Variants in TANC2 observed in about 807,000 individuals in gnomAD.
TANC2 encodes protein TANC2.
In TANC2, 26 loss-of-function variants were observed where a neutral mutation model predicts 210.5. The ratio of observed to expected loss-of-function variants is 0.12; its 90% CI spans 0.09 to 0.17. TANC2 has a LOEUF of 0.17. Among genes scored for constraint, TANC2 ranks in the 10% least tolerant of loss-of-function variants. The probability of loss-of-function intolerance (pLI) is 1.00; values close to 1 mark genes in which losing one functional copy is unlikely to be tolerated. For synonymous variants in TANC2, 931 were observed against 967.1 expected, an observed-to-expected ratio of 0.96 and a Z score of 0.69; for missense variants, 2,129 against 2,608.9, an observed-to-expected ratio of 0.82 and a Z score of 4.01.
chr17:63,025,138 A>G (rs778376656), intron 2 of TANC2, among the ~76,000 whole-genome samples: 4 of 152,210 alleles, frequency 2.6e-5, no homozygotes, highest in Non-Finnish European at 5.9e-5. Flanking sequence ...ACTAATTACC[A>G]TTAGTATTTC....
Position 63,274,270 on chromosome 17 carries a change from A to G in TANC2, c.1159+6397A>G, listed in dbSNP as rs1259780464. Among the ~76,000 whole-genome samples, 5 of 152,020 alleles carry G rather than the reference A, an allele frequency of 3.3e-5. No homozygotes were observed. In the East Asian group the frequency reaches 5.8e-4, roughly 18 times the overall value. ...TTGAACAACTGTTCTACAAAAATTG[A>G]TATTTCCAGAAACCCGGCCCAACGG... On this transcript the variant is annotated intron_variant, in intron 9 of 27. Transcript: ENST00000689528.
intron 4 of TANC2, among the ~76,000 whole-genome samples, chr17:63,110,721 T>TA (rs1438939441): frequency 1.3e-5 from 2 of 152,208 alleles, no homozygotes; most frequent in African/African-American, 4.8e-5. Flanking sequence ...AACTACCGCT[T>TA]AAGGGTTCTA....
chr17:63,422,774 G>C (rs1315835010), exon 28 of TANC2: 7 of 152,220 alleles, frequency 4.6e-5, no homozygotes, highest in East Asian at 1.9e-4. Flanking sequence ...TTTCCAGGGT[G>C]GGGGAGGGAA....
chr17:63,209,308 C>T (rs1051791908), intron 7 of TANC2, among the ~76,000 whole-genome samples: 3 of 152,008 alleles, frequency 2.0e-5, no homozygotes, highest in African/African-American at 7.2e-5. Flanking sequence ...CCACTGCACC[C>T]GGCCACACTT....
At chr17:63,415,581 C>T (rs2048834224) in exon 26 of TANC2, 1 of 1,613,844 alleles carries the variant, frequency 6.2e-7, no homozygotes, top group African/African-American at 1.3e-5. Flanking sequence ...TGAAGAAGTT[C>T]CCTAGAGAAG....
chr17:63,180,592 C>A (rs1329094848), intron 5 of TANC2, among the ~76,000 whole-genome samples: 1 of 152,198 alleles, frequency 6.6e-6, no homozygotes, highest in Admixed American at 6.5e-5. Flanking sequence ...CAATCCATTA[C>A]CCTCAATGCA....
intron 26 of TANC2, among the ~76,000 whole-genome samples, chr17:63,416,911 C>G (rs1450530774): frequency 6.6e-6 from 1 of 152,214 alleles, no homozygotes; most frequent in Non-Finnish European, 1.5e-5. Flanking sequence ...GGAACAGCAC[C>G]AAGGCCTCCC....
rs1353149017 is a variant in TANC2, at chr17:63,241,932, T to G, written c.1033+3855T>G. 2.6e-5 allele frequency among the ~76,000 whole-genome samples: 4 copies of G among 152,156 alleles called. No individual in the cohort carries two copies. The East Asian group carries it at 7.7e-4, about 29-fold the overall frequency. On this transcript the variant is annotated intron_variant, in intron 8 of 27. Transcript: ENST00000689528. ...AAAAAGCTGAAATTGACCCTTAAGT[T>G]TTAAGTTTTTGTAATATGCATTTAG...
At chr17:63,351,113 T>C in intron 12 of TANC2, 137 bp from the exon 13 acceptor site, 2 of 762,316 alleles carry the variant, frequency 2.6e-6, no homozygotes, top group South Asian at 2.1e-5. Context: ...GAATAAATTA[T>C]GTACCCTGAG....
chr17:63,116,269 T>C (rs79175781), intron 4 of TANC2, among the ~76,000 whole-genome samples: 1 of 152,348 alleles, frequency 6.6e-6, no homozygotes, highest in East Asian at 1.9e-4. Flanking sequence ...TCTGCACCAG[T>C]CATCTCAGAG....
intron 2 of TANC2, among the ~76,000 whole-genome samples, chr17:63,049,194 A>G (rs1479552673): frequency 6.6e-6 from 1 of 152,182 alleles, no homozygotes; most frequent in Non-Finnish European, 1.5e-5. Flanking sequence ...ATACTATTCT[A>G]GGCATGGCTA....
In TANC2 at chr17:63,400,672, C is replaced by A. The variant is rs150846054; in HGVS notation, c.3331+1758C>A. ...TTTTTCTTTTTTTTTGAGACGGAGTCTCACTCTGTCCCCCAGGCTAGAGTG... is the reference window on the plus strand; with the variant it reads ...TTTTTCTTTTTTTTTGAGACGGAGTATCACTCTGTCCCCCAGGCTAGAGTG... On this transcript the variant is annotated intron_variant, in intron 19 of 27. Transcript: ENST00000689528. 4.3e-3 allele frequency among the ~76,000 whole-genome samples: 652 copies of A among 151,324 alleles called. 6 individuals carry two copies. The highest frequency in any genetic ancestry group is 0.014 in the African/African-American group (567 of 41,158).
intron 4 of TANC2, among the ~76,000 whole-genome samples, chr17:63,129,529 C>G (rs893197066): frequency 6.6e-6 from 1 of 152,038 alleles, no homozygotes; most frequent in Admixed American, 6.5e-5. Context: ...ACCAGCCTGG[C>G]CAATATGATG....
chr17:63,355,388 G>A (rs779580227), exon 14 of TANC2: 12 of 1,568,202 alleles, frequency 7.7e-6, no homozygotes, highest in East Asian at 2.2e-5. Flanking sequence ...TCTGTGATCC[G>A]AGGTAAGACA....
chr17:63,227,830 C>T (rs980789191), intron 7 of TANC2, among the ~76,000 whole-genome samples: 5 of 152,020 alleles, frequency 3.3e-5, no homozygotes, highest in African/African-American at 1.2e-4. Flanking sequence ...TATGGCTAGC[C>T]AATTCTCCCA....
chr17:63,369,852 C>G (rs1441742553), intron 14 of TANC2, among the ~76,000 whole-genome samples: 1 of 152,088 alleles, frequency 6.6e-6, no homozygotes, highest in African/African-American at 2.4e-5. Context: ...ATCTGCTCGC[C>G]TCAGCCTCCC....
At chr17:63,014,675 A>G (rs2034026174) in intron 2 of TANC2, among the ~76,000 whole-genome samples, 1 of 152,216 alleles carries the variant, frequency 6.6e-6, no homozygotes, top group South Asian at 2.1e-4. Context: ...ATTATTACAT[A>G]CTAGACTTTT....
chr17:63,233,759 T>C (rs1001712156), intron 7 of TANC2, among the ~76,000 whole-genome samples: 1 of 152,250 alleles, frequency 6.6e-6, no homozygotes, highest in Non-Finnish European at 1.5e-5. Flanking sequence ...CTCCAAAGTT[T>C]TAGTCTATTG....
Position 63,156,448 on chromosome 17 carries a change from A to G in TANC2, c.433+5068A>G, listed in dbSNP as rs180698833. On this transcript the variant is annotated intron_variant, in intron 5 of 27. Transcript: ENST00000689528. ...AAAAAAAAAGCACCTGTTAATTATT[A>G]GAACAACAAGAACAAAAAGCTAGAA... Among the ~76,000 whole-genome samples, 3 of 151,758 alleles carry G rather than the reference A, an allele frequency of 2.0e-5. 1 individual carries two copies. The highest frequency in any genetic ancestry group is 2.0e-4 in the Admixed American group (3 of 15,250).
Sources: gnomAD v4.1 joint callset for allele counts (sites outside exome capture counted in the v4.1 genomes callset) on GRCh38, gnomAD v4.1.1 for gene constraint, MANE v1.5 for transcripts, NCBI Gene and HGNC (gene_info 2026-07-23, HGNC 2026-07-21) for gene names.